CDH8: variants seen among roughly 807,000 people sequenced by gnomAD.
CDH8 encodes the protein cadherin 8, also known as cadherin-8.
In CDH8, 17 loss-of-function variants were observed where a neutral mutation model predicts 68.1. The ratio of observed to expected loss-of-function variants is 0.25; its 90% CI spans 0.17 to 0.37. CDH8 has a LOEUF of 0.37. Ranked by LOEUF, CDH8 falls within the 10% of genes least tolerant of loss-of-function variation. CDH8 has a pLI of 1.00. For missense variants in CDH8, 763 were observed against 999.3 expected (o/e 0.76, Z 3.19); for synonymous variants, 372 against 365.1 (o/e 1.02, Z -0.21).
At chr16:61,947,777 T>C (rs1964823207) in intron 2 of CDH8, among the ~76,000 whole-genome samples, 1 of 152,212 alleles carries the variant, frequency 6.6e-6, no homozygotes, top group East Asian at 1.9e-4. Context: ...GGTTTTAATA[T>C]ATATTTAAAT....
intron 10 of CDH8, among the ~76,000 whole-genome samples, chr16:61,698,222 A>G (rs1187906023): frequency 3.9e-5 from 6 of 152,110 alleles, no homozygotes; most frequent in Admixed American, 3.9e-4. Context: ...GTGTTTTTTT[A>G]TCCTCATAAT....
intron 7 of CDH8, among the ~76,000 whole-genome samples, chr16:61,808,079 T>G (rs1028655720): frequency 7.2e-5 from 11 of 152,164 alleles, no homozygotes; most frequent in Admixed American, 2.0e-4. Flanking sequence ...TAAAGACACA[T>G]AAAATATTTT....
At chr16:61,797,777 A>T (rs559670072) in intron 7 of CDH8, among the ~76,000 whole-genome samples, 1 of 152,256 alleles carries the variant, frequency 6.6e-6, no homozygotes, top group Non-Finnish European at 1.5e-5. Flanking sequence ...AAAAAGCCAT[A>T]ATTTTGTGAT....
chr16:61,667,799 A>G (rs1220151494), intron 10 of CDH8: 1 of 152,230 alleles, frequency 6.6e-6, no homozygotes, highest in African/African-American at 2.4e-5. Flanking sequence ...ACAGCAAGGC[A>G]TTCTTATTCC....
chr16:61,668,045 T>C (rs1963714907), intron 10 of CDH8, among the ~76,000 whole-genome samples: 1 of 151,952 alleles, frequency 6.6e-6, no homozygotes, highest in Non-Finnish European at 1.5e-5. Flanking sequence ...TATGACACCT[T>C]TATTAGAGAC....
intron 8 of CDH8, among the ~76,000 whole-genome samples, chr16:61,765,517 AT>A (rs1960567740): frequency 6.6e-6 from 1 of 151,990 alleles, no homozygotes; most frequent in African/African-American, 2.4e-5. Context: ...TTAATTTATC[AT>A]TTTTGTTCCA....
intron 7 of CDH8, among the ~76,000 whole-genome samples, chr16:61,794,888 A>C (rs148936220): frequency 1.3e-4 from 20 of 152,148 alleles, no homozygotes; most frequent in African/African-American, 4.8e-4. Context: ...GATTAATCAC[A>C]AAATCAGAAA....
intron 9 of CDH8, among the ~76,000 whole-genome samples, chr16:61,723,147 T>C (rs1959243994): frequency 6.6e-6 from 1 of 150,724 alleles, no homozygotes; most frequent in African/African-American, 2.4e-5. Flanking sequence ...ATTCTGTATA[T>C]GGTAACCAAG....
At chr16:61,732,754 C>T (rs770040950) in intron 8 of CDH8, among the ~76,000 whole-genome samples, 74 of 151,780 alleles carry the variant, frequency 4.9e-4, no homozygotes, top group Non-Finnish European at 9.0e-4. Flanking sequence ...CATTACTCCT[C>T]GTTTCTTATT....
intron 2 of CDH8, among the ~76,000 whole-genome samples, chr16:61,993,010 A>C (rs551058465): frequency 4.6e-5 from 7 of 152,230 alleles, no homozygotes; most frequent in African/African-American, 1.7e-4. Context: ...GTCTTGAACT[A>C]CTGGGCTCAA....
At chr16:61,891,807 C>T (rs1243112417) in intron 3 of CDH8, among the ~76,000 whole-genome samples, 3 of 152,134 alleles carry the variant, frequency 2.0e-5, no homozygotes, top group Non-Finnish European at 4.4e-5. Context: ...TTGTTCATCA[C>T]GCTGAATGAA....
intron 8 of CDH8, among the ~76,000 whole-genome samples, chr16:61,733,909 T>A (rs1284333201): frequency 6.6e-6 from 1 of 152,054 alleles, no homozygotes; most frequent in African/African-American, 2.4e-5. Context: ...ACATTCAAAC[T>A]AATTAATGTA....
chr16:61,873,778 A>C (rs1963412906), intron 3 of CDH8, among the ~76,000 whole-genome samples: 1 of 152,162 alleles, frequency 6.6e-6, no homozygotes, highest in Non-Finnish European at 1.5e-5. Context: ...GGCTTACTCC[A>C]GGTGAGGTGG....
chr16:61,850,653 A>T (rs1298073442), intron 4 of CDH8, among the ~76,000 whole-genome samples: 1 of 152,056 alleles, frequency 6.6e-6, no homozygotes, highest in Non-Finnish European at 1.5e-5. Flanking sequence ...TCACCAATTT[A>T]TCTTTTCCCC....
intron 8 of CDH8, among the ~76,000 whole-genome samples, chr16:61,787,985 G>T (rs1961273650): frequency 6.7e-6 from 1 of 149,072 alleles, no homozygotes; most frequent in Non-Finnish European, 1.5e-5. Context: ...TATACCTAAT[G>T]CTAGATGACG....
At chr16:62,035,935 C>A in intron 1 of CDH8, 145 bp downstream of exon 1, 1 of 152,510 alleles carries the variant, frequency 6.6e-6, no homozygotes. Flanking sequence ...TAGCCCAGAG[C>A]CTATGCTAAG....
chr16:61,741,331 T>C (rs1427288038), intron 8 of CDH8, among the ~76,000 whole-genome samples: 1 of 152,160 alleles, frequency 6.6e-6, no homozygotes, highest in East Asian at 1.9e-4. Context: ...TTCTGCCCAA[T>C]GGCTTAATTT....
intron 4 of CDH8, among the ~76,000 whole-genome samples, chr16:61,849,029 G>A (rs1567498746): frequency 1.3e-5 from 2 of 152,050 alleles, no homozygotes. Context: ...TTAAATAAGA[G>A]TGCAAGCAGA....
At chr16:61,901,820 T>C (rs1013006555) in intron 2 of CDH8, among the ~76,000 whole-genome samples, 1 of 152,222 alleles carries the variant, frequency 6.6e-6, no homozygotes, top group Non-Finnish European at 1.5e-5. Flanking sequence ...TCACCTTTTA[T>C]GGGTCACTAT....
Sources: gnomAD v4.1 joint callset for allele counts (sites outside exome capture counted in the v4.1 genomes callset) on GRCh38, gnomAD v4.1.1 for gene constraint, MANE v1.5 for transcripts, NCBI Gene and HGNC (gene_info 2026-07-23, HGNC 2026-07-21) for gene names.